Variants in KHDRBS2 observed in about 807,000 individuals in gnomAD.
KHDRBS2 encodes the protein KH domain-containing, RNA-binding, signal transduction-associated protein 2.
Under a neutral mutation model 44.3 loss-of-function variants are expected in KHDRBS2, and 26 were observed. The ratio of observed to expected loss-of-function variants is 0.59; its 90% CI spans 0.43 to 0.81. KHDRBS2 has a LOEUF of 0.81. Among genes scored for constraint, KHDRBS2 ranks in the 40% least tolerant of loss-of-function variants. The pLI is 0.00. For synonymous variants in KHDRBS2, 194 were observed against 151.1 expected (o/e 1.28, Z -2.08); for missense variants, 476 against 433.1 (o/e 1.10, Z -0.88).
chr6:62,246,634 A>G (rs1386753528), intron 1 of KHDRBS2, among the ~76,000 whole-genome samples: 1 of 152,090 alleles, frequency 6.6e-6, no homozygotes. Context: ...CCATTTTCAA[A>G]TGCTGACAAA....
At chr6:62,010,776 A>G (rs1443351093) in intron 3 of KHDRBS2, among the ~76,000 whole-genome samples, 3 of 152,206 alleles carry the variant, frequency 2.0e-5, no homozygotes, top group African/African-American at 4.8e-5. Context: ...ATAGTTTAAA[A>G]AAACCTCATC....
At chr6:61,957,352 A>T (rs1486907557) in intron 4 of KHDRBS2, among the ~76,000 whole-genome samples, 2 of 152,192 alleles carry the variant, frequency 1.3e-5, no homozygotes, top group Non-Finnish European at 2.9e-5. Flanking sequence ...GATAACCTTA[A>T]ACTCTTGACT....
At chr6:62,005,718 T>A (rs1779091066) in intron 3 of KHDRBS2, among the ~76,000 whole-genome samples, 1 of 151,606 alleles carries the variant, frequency 6.6e-6, no homozygotes, top group South Asian at 2.1e-4. Flanking sequence ...AAAATAACAA[T>A]ATATTTATAA....
At chr6:62,153,454 T>C (rs1019078729) in intron 2 of KHDRBS2, among the ~76,000 whole-genome samples, 10 of 151,856 alleles carry the variant, frequency 6.6e-5, no homozygotes, top group African/African-American at 2.2e-4. Flanking sequence ...TATGACAAAA[T>C]AGTCAATACT....
chr6:61,716,864 A>T (rs1232354094), intron 7 of KHDRBS2, among the ~76,000 whole-genome samples: 1 of 152,058 alleles, frequency 6.6e-6, no homozygotes. Context: ...TTCAGAATTT[A>T]GGATGATCTA....
chr6:61,855,541 C>T (rs1222123751), intron 6 of KHDRBS2, among the ~76,000 whole-genome samples: 1 of 151,534 alleles, frequency 6.6e-6, no homozygotes, highest in African/African-American at 2.4e-5. Context: ...AACTACATCT[C>T]TTTGGTACAT....
chr6:61,666,634 G>A, the KHDRBS2 span, among the ~76,000 whole-genome samples: 1 of 151,328 alleles, frequency 6.6e-6, no homozygotes, highest in African/African-American at 2.4e-5. Context: ...AACTTGTGTC[G>A]AATTTGAAAA....
At chr6:62,036,737 A>C (rs1461015461) in intron 3 of KHDRBS2, among the ~76,000 whole-genome samples, 1 of 151,996 alleles carries the variant, frequency 6.6e-6, no homozygotes, top group African/African-American at 2.4e-5. Flanking sequence ...GGGGTATTTC[A>C]CACCCAATAG....
chr6:61,883,017 A>T (rs1206801696), intron 6 of KHDRBS2, among the ~76,000 whole-genome samples: 1 of 152,040 alleles, frequency 6.6e-6, no homozygotes, highest in East Asian at 1.9e-4. Flanking sequence ...TTTCAGTGGG[A>T]GTATAATTGT....
At chr6:62,130,826 C>T (rs942285774) in intron 2 of KHDRBS2, among the ~76,000 whole-genome samples, 2 of 151,916 alleles carry the variant, frequency 1.3e-5, no homozygotes, top group Non-Finnish European at 2.9e-5. Context: ...TGTCAAATAT[C>T]TCATGCAATG....
the KHDRBS2 span, among the ~76,000 whole-genome samples, chr6:61,665,700 A>G: frequency 6.6e-6 from 1 of 151,254 alleles, no homozygotes; most frequent in Non-Finnish European, 1.5e-5. Flanking sequence ...AGGAAAAAAA[A>G]ATCCAGAATT....
At chr6:61,975,590 G>T (rs557239621) in intron 4 of KHDRBS2, among the ~76,000 whole-genome samples, 2 of 151,428 alleles carry the variant, frequency 1.3e-5, no homozygotes, top group South Asian at 4.2e-4. Flanking sequence ...AACATTGAGA[G>T]ACATATCAGA....
rs369698703 is a variant in KHDRBS2, at chr6:62,026,571, C to A, written c.336+21307G>T. ...CCTCAGCCTCGCAAGTAACTGGGAT[C>A]ACAGGCATGCACCACTGTGCTTGGT... On this transcript the variant is annotated intron_variant, in intron 3 of 8. Transcript: ENST00000281156. Among the ~76,000 whole-genome samples, 79 of 151,650 alleles carry A rather than the reference C, an allele frequency of 5.2e-4. 1 individual carries two copies. Among genetic ancestry groups the A allele is most frequent in the African/African-American group, 1.7e-3 (71 of 41,404 alleles).
chr6:61,771,345 T>C (rs1304516966), intron 6 of KHDRBS2, among the ~76,000 whole-genome samples: 2 of 152,070 alleles, frequency 1.3e-5, no homozygotes, highest in Non-Finnish European at 2.9e-5. Context: ...AATATTAACT[T>C]TAAATGTAAA....
intron 6 of KHDRBS2, among the ~76,000 whole-genome samples, chr6:61,795,425 G>A (rs1562197321): frequency 6.6e-6 from 1 of 151,866 alleles, no homozygotes; most frequent in Non-Finnish European, 1.5e-5. Flanking sequence ...TAACTTGATG[G>A]GAACTCTATA....
At chr6:61,941,704 C>A (rs960611566) in intron 4 of KHDRBS2, among the ~76,000 whole-genome samples, 1 of 152,058 alleles carries the variant, frequency 6.6e-6, no homozygotes, top group South Asian at 2.1e-4. Flanking sequence ...TGCATGGACA[C>A]AGAATCAAAG....
At chr6:61,720,876 T>G (rs1772361962) in intron 7 of KHDRBS2, among the ~76,000 whole-genome samples, 1 of 151,212 alleles carries the variant, frequency 6.6e-6, no homozygotes, top group Non-Finnish European at 1.5e-5. Context: ...TGAATGGTAA[T>G]GCCTAGGTTT....
intron 1 of KHDRBS2, among the ~76,000 whole-genome samples, chr6:62,206,782 G>A (rs911151431): frequency 7.2e-5 from 11 of 151,932 alleles, no homozygotes; most frequent in Admixed American, 3.9e-4. Context: ...TGACTCTTAC[G>A]TGGACAGTAT....
intron 6 of KHDRBS2, among the ~76,000 whole-genome samples, chr6:61,779,324 T>C (rs1370976792): frequency 6.6e-6 from 1 of 152,158 alleles, no homozygotes; most frequent in African/African-American, 2.4e-5. Flanking sequence ...GGAGTTTCTA[T>C]GGTATGACAG....
Sources: allele counts gnomAD v4.1 joint callset (sites outside exome capture counted in the v4.1 genomes callset), GRCh38; gene constraint gnomAD v4.1.1; transcripts MANE v1.5; gene names NCBI Gene and HGNC (gene_info 2026-07-23, HGNC 2026-07-21).